Variants in TADA2A observed in about 807,000 individuals in gnomAD.
TADA2A encodes the protein transcriptional adapter 2-alpha.
In TADA2A, 38 loss-of-function variants were observed where a neutral mutation model predicts 67.4. The ratio of observed to expected loss-of-function variants is 0.56; its 90% CI spans 0.44 to 0.74. TADA2A has a LOEUF of 0.74. Among genes scored for constraint, TADA2A ranks in the 30% least tolerant of loss-of-function variants. The pLI is 0.00. For missense variants in TADA2A, 454 were observed against 547.0 expected (o/e 0.83, Z 1.70); for synonymous variants, 192 against 181.6 (o/e 1.06, Z -0.46).
intron 4 of TADA2A, among the ~76,000 whole-genome samples, chr17:37,432,027 C>T (rs1827176769): frequency 6.6e-6 from 1 of 152,024 alleles, no homozygotes; most frequent in Non-Finnish European, 1.5e-5. Context: ...CCTTTTTTAC[C>T]CTTGAAACAA....
intron 2 of TADA2A, among the ~76,000 whole-genome samples, chr17:37,422,654 G>A (rs986382755): frequency 6.6e-6 from 1 of 151,886 alleles, no homozygotes; most frequent in East Asian, 1.9e-4. Flanking sequence ...TATAGGCTGC[G>A]CCCCCATCCC....
intron 1 of TADA2A, among the ~76,000 whole-genome samples, chr17:37,410,012 A>C (rs1228485506): frequency 6.6e-6 from 1 of 152,046 alleles, no homozygotes; most frequent in African/African-American, 2.4e-5. Context: ...CTAAAAATAC[A>C]AAACAATTAG....
At position 37,433,446 on chromosome 17, in the gene TADA2A, C is replaced by T. The variant is rs1370387867; in HGVS notation, c.193-4292C>T. Among the ~76,000 whole-genome samples the T allele has an allele frequency of 4.6e-5, 7 of 152,132 alleles. No homozygotes were observed. In the South Asian group the frequency reaches 1.4e-3, roughly 32 times the overall value. ...GCTGCGGTAGGAGAATTGTTTGAGT[C>T]CAGGAGTTTGAGACCAGCCTGGGCA... On this transcript the variant is annotated intron_variant, in intron 4 of 15. Transcript: ENST00000615182.
At chr17:37,437,479 G>C (rs567281037) in intron 4 of TADA2A, among the ~76,000 whole-genome samples, 1 of 149,236 alleles carries the variant, frequency 6.7e-6, no homozygotes, top group Non-Finnish European at 1.5e-5. Flanking sequence ...CTCTGCTTCC[G>C]CAGTTCAAGT....
At chr17:37,445,392 A>G (rs533773622) in intron 8 of TADA2A, among the ~76,000 whole-genome samples, 1 of 152,234 alleles carries the variant, frequency 6.6e-6, no homozygotes, top group South Asian at 2.1e-4. Context: ...CAGCCTCCCA[A>G]GTAGCTGGGA....
intron 8 of TADA2A, among the ~76,000 whole-genome samples, chr17:37,452,828 G>A (rs1321584506): frequency 2.6e-5 from 4 of 151,880 alleles, no homozygotes; most frequent in African/African-American, 9.7e-5. Context: ...GGACCTGACA[G>A]TATTGAATTA....
At chr17:37,432,184 T>C (rs1177685765) in intron 4 of TADA2A, among the ~76,000 whole-genome samples, 1 of 149,730 alleles carries the variant, frequency 6.7e-6, no homozygotes, top group Non-Finnish European at 1.5e-5. Context: ...ATTTTTTTTT[T>C]GTGACAGTCT....
intron 8 of TADA2A, chr17:37,454,692 C>T (rs1012938198): frequency 1.5e-5 from 5 of 323,600 alleles, no homozygotes; most frequent in Admixed American, 1.0e-4. Flanking sequence ...AAGAAAAGAA[C>T]CTGCTGAGCA....
intron 2 of TADA2A, among the ~76,000 whole-genome samples, chr17:37,412,864 A>T (rs1279038919): frequency 3.3e-5 from 5 of 152,060 alleles, no homozygotes; most frequent in Non-Finnish European, 7.4e-5. Context: ...CCATTGTTAG[A>T]TGTTTAGTAG....
intron 2 of TADA2A, among the ~76,000 whole-genome samples, chr17:37,421,968 T>G (rs2052247625): frequency 1.4e-5 from 2 of 145,386 alleles, no homozygotes; most frequent in South Asian, 2.3e-4. Flanking sequence ...AACCTCCGCC[T>G]CCCGGGTTCA....
intron 2 of TADA2A, among the ~76,000 whole-genome samples, chr17:37,415,665 G>A (rs1288956575): frequency 6.6e-6 from 1 of 151,982 alleles, no homozygotes; most frequent in Non-Finnish European, 1.5e-5. Flanking sequence ...GGATCATGAG[G>A]TCAGGTGTTC....
chr17:37,452,889 T>C (rs1435873114), intron 8 of TADA2A, among the ~76,000 whole-genome samples: 4 of 152,242 alleles, frequency 2.6e-5, no homozygotes, highest in Admixed American at 2.6e-4. Flanking sequence ...TTTAAATATT[T>C]GAACTTGTTA....
chr17:37,441,756 T>C (rs2052924422), intron 6 of TADA2A, among the ~76,000 whole-genome samples: 1 of 149,834 alleles, frequency 6.7e-6, no homozygotes, highest in Admixed American at 6.8e-5. Flanking sequence ...AACCTCCACC[T>C]CCAGGGTTCA....
chr17:37,459,430 G>T (rs937206843), intron 9 of TADA2A, among the ~76,000 whole-genome samples: 21 of 151,548 alleles, frequency 1.4e-4, no homozygotes, highest in Admixed American at 1.3e-3. Flanking sequence ...CTATAGGTGT[G>T]CACCACCACG....
chr17:37,461,331 G>T (rs540911299), intron 9 of TADA2A, among the ~76,000 whole-genome samples: 21 of 152,256 alleles, frequency 1.4e-4, no homozygotes, highest in African/African-American at 4.1e-4. Context: ...ATGGCCCAGG[G>T]GTTGGGAACT....
intron 8 of TADA2A, 73 bp downstream of exon 8, chr17:37,444,841 G>T: frequency 7.3e-7 from 1 of 1,371,906 alleles, no homozygotes. Context: ...GCTAGGAATT[G>T]AAGGATGAAT....
chr17:37,471,786 G>A (rs1394512467), intron 14 of TADA2A, among the ~76,000 whole-genome samples: 1 of 151,812 alleles, frequency 6.6e-6, no homozygotes, highest in Non-Finnish European at 1.5e-5. Context: ...AATTACAGGC[G>A]TGAGCCACCG....
At chr17:37,414,992 A>T (rs1466239699) in intron 2 of TADA2A, among the ~76,000 whole-genome samples, 3 of 151,300 alleles carry the variant, frequency 2.0e-5, no homozygotes, top group Non-Finnish European at 4.4e-5. Flanking sequence ...TCCTGGATTC[A>T]GGTGATTGTC....
At chr17:37,470,293 G>A (rs2053758102) in intron 12 of TADA2A, 107 bp from the exon 13 acceptor site, 5 of 1,388,374 alleles carry the variant, frequency 3.6e-6, no homozygotes, top group Non-Finnish European at 3.9e-6. Flanking sequence ...TTTTGCAAAG[G>A]AAACAGACTT....
Sources: allele counts gnomAD v4.1 joint callset (sites outside exome capture counted in the v4.1 genomes callset), GRCh38; gene constraint gnomAD v4.1.1; transcripts MANE v1.5; gene names NCBI Gene and HGNC (gene_info 2026-07-23, HGNC 2026-07-21).